PTPRM: variants seen among roughly 807,000 people sequenced by gnomAD.
The protein encoded by PTPRM is protein tyrosine phosphatase receptor type M.
Under a neutral mutation model 186.7 loss-of-function variants are expected in PTPRM, and 47 were observed. That is an observed-to-expected ratio of 0.25 (90% CI 0.20 to 0.32). PTPRM has a LOEUF of 0.32. Among genes scored for constraint, PTPRM ranks in the 10% least tolerant of loss-of-function variants. PTPRM has a pLI of 1.00. For missense variants in PTPRM, 1,494 were observed against 1,865.0 expected (o/e 0.80, Z 3.66); for synonymous variants, 668 against 674.9 (o/e 0.99, Z 0.16).
chr18:7,895,839 A>G (rs1300691997), intron 3 of PTPRM, among the ~76,000 whole-genome samples: 5 of 152,172 alleles, frequency 3.3e-5, no homozygotes, highest in Admixed American at 1.3e-4. Context: ...TTACTTTCAC[A>G]GTTTTTTCCT....
chr18:7,784,572 T>A (rs2043009370), intron 2 of PTPRM, among the ~76,000 whole-genome samples: 1 of 152,208 alleles, frequency 6.6e-6, no homozygotes, highest in African/African-American at 2.4e-5. Context: ...AGAAATTATG[T>A]TTCAGCTTTT....
chr18:8,290,807 A>G (rs973026562), intron 19 of PTPRM, among the ~76,000 whole-genome samples: 2 of 152,200 alleles, frequency 1.3e-5, no homozygotes, highest in African/African-American at 4.8e-5. Context: ...TTTAAGTAGA[A>G]TAAAAGCATA....
chr18:7,719,500 A>T (rs988064621), intron 1 of PTPRM, among the ~76,000 whole-genome samples: 1 of 152,190 alleles, frequency 6.6e-6, no homozygotes, highest in Non-Finnish European at 1.5e-5. Flanking sequence ...TACCCATGTA[A>T]CTAAACACCA....
chr18:7,660,058 TG>T (rs1236327499), intron 1 of PTPRM, among the ~76,000 whole-genome samples: 1 of 152,128 alleles, frequency 6.6e-6, no homozygotes, highest in Non-Finnish European at 1.5e-5. Flanking sequence ...TAGCATTTTC[TG>T]GCTGGGTGCA....
intron 5 of PTPRM, among the ~76,000 whole-genome samples, chr18:7,931,631 G>A (rs139267056): frequency 2.6e-5 from 4 of 152,176 alleles, no homozygotes; most frequent in Non-Finnish European, 4.4e-5. Flanking sequence ...AACCCGGAAG[G>A]CGGAGGTTGC....
intron 10 of PTPRM, among the ~76,000 whole-genome samples, chr18:8,086,270 A>C (rs2090430059): frequency 6.6e-6 from 1 of 152,286 alleles, no homozygotes; most frequent in Middle Eastern, 3.4e-3. Flanking sequence ...CTGAAGGATC[A>C]GCCTCCTTGG....
At chr18:8,012,679 G>A (rs1274690161) in intron 7 of PTPRM, among the ~76,000 whole-genome samples, 6 of 152,082 alleles carry the variant, frequency 3.9e-5, no homozygotes, top group East Asian at 1.9e-4. Context: ...TAGAACAGGC[G>A]CAATAAAAAC....
intron 13 of PTPRM, among the ~76,000 whole-genome samples, chr18:8,129,538 T>A (rs1349570462): frequency 6.6e-6 from 1 of 152,246 alleles, no homozygotes; most frequent in African/African-American, 2.4e-5. Context: ...CCCAGTGATG[T>A]CCCTTAGCAT....
At chr18:8,178,919 T>C (rs1459720229) in intron 14 of PTPRM, among the ~76,000 whole-genome samples, 1 of 152,122 alleles carries the variant, frequency 6.6e-6, no homozygotes, top group African/African-American at 2.4e-5. Flanking sequence ...CCTGTATGAG[T>C]TGGGTACATT....
chr18:7,908,376 G>C (rs935263175), intron 4 of PTPRM, among the ~76,000 whole-genome samples: 1 of 152,132 alleles, frequency 6.6e-6, no homozygotes, highest in Non-Finnish European at 1.5e-5. Context: ...AATTATGAAA[G>C]AATGATTATA....
At chr18:7,781,892 A>G (rs908519062) in intron 2 of PTPRM, among the ~76,000 whole-genome samples, 8 of 152,300 alleles carry the variant, frequency 5.3e-5, no homozygotes, top group African/African-American at 1.9e-4. Context: ...TATCTCATTC[A>G]GTTGTCCACA....
Position 8,244,309 on chromosome 18 carries a change from A to T in PTPRM, c.2452+100A>T, listed in dbSNP as rs2094458180. The T allele has an allele frequency of 2.5e-5, 30 of 1,203,626 alleles. No homozygotes were observed. The South Asian group carries it at 5.7e-4, about 23-fold the overall frequency. 74.6% of individuals were successfully genotyped at this position (1,203,626 alleles called of 1,614,324 possible). A position where few individuals can be genotyped will look rare whatever the true frequency, so the allele number is the denominator to read the frequency against. On this transcript the variant is annotated intron_variant, in intron 15 of 32. Transcript: ENST00000580170. The stretch of plus-strand genomic sequence containing the variant: ...CAAAAAAAAAAAAAGCTTCCTGAAG[A>T]AATTTTTATGCCGTGTTGGTTTCTT...
chr18:7,740,477 G>A (rs537979374), intron 1 of PTPRM, among the ~76,000 whole-genome samples: 7 of 152,120 alleles, frequency 4.6e-5, no homozygotes, highest in East Asian at 1.9e-4. Context: ...GGATTGCAAC[G>A]GTCTGATTAT....
At chr18:7,585,231 A>G (rs900330928) in intron 1 of PTPRM, among the ~76,000 whole-genome samples, 3 of 152,200 alleles carry the variant, frequency 2.0e-5, no homozygotes, top group Admixed American at 6.5e-5. Flanking sequence ...GGGAGAGAAT[A>G]AACTTTTACA....
chr18:8,122,992 A>G (rs1166560729), intron 13 of PTPRM, among the ~76,000 whole-genome samples: 5 of 152,214 alleles, frequency 3.3e-5, no homozygotes, highest in Non-Finnish European at 7.3e-5. Flanking sequence ...AGAGTCATGG[A>G]GTTGAACTGT....
chr18:7,930,212 G>A (rs1411822511), intron 5 of PTPRM, among the ~76,000 whole-genome samples: 3 of 151,976 alleles, frequency 2.0e-5, no homozygotes, highest in Admixed American at 1.3e-4. Flanking sequence ...GGGACTACAG[G>A]TGTGCACCAC....
At chr18:8,317,258 T>C (rs2095315081) in intron 21 of PTPRM, among the ~76,000 whole-genome samples, 1 of 151,802 alleles carries the variant, frequency 6.6e-6, no homozygotes, top group Admixed American at 6.6e-5. Flanking sequence ...GTAGAGCCAG[T>C]AGGATTTGCT....
chr18:7,583,476 G>A lies in PTPRM; in HGVS notation c.73+15585G>A, dbSNP rs139907647. Among the ~76,000 whole-genome samples, 22 of 152,276 alleles carry A rather than the reference G, an allele frequency of 1.4e-4. 1 individual carries two copies. The Middle Eastern group carries it at 0.017, about 118-fold the overall frequency. The stretch of plus-strand genomic sequence containing the variant: ...TGTCCCTGTCTGTTGGGTCCAAAGC[G>A]CATGTTATAATTTTCAAGTATGGCT... On this transcript the variant is annotated intron_variant, in intron 1 of 32. Transcript: ENST00000580170.
intron 23 of PTPRM, among the ~76,000 whole-genome samples, 180 bp from the exon 24 acceptor site, chr18:8,370,710 T>C (rs1368663364): frequency 1.3e-5 from 2 of 152,222 alleles, no homozygotes; most frequent in South Asian, 2.1e-4. Context: ...AACTCAAATA[T>C]TGTTTTCTTC....
Sources: gnomAD v4.1 joint callset for allele counts (sites outside exome capture counted in the v4.1 genomes callset) on GRCh38, gnomAD v4.1.1 for gene constraint, MANE v1.5 for transcripts, NCBI Gene and HGNC (gene_info 2026-07-23, HGNC 2026-07-21) for gene names.